The following ATG4B variants were observed in gnomAD, a reference collection of about 807,000 sequenced individuals.
ATG4B encodes the protein autophagy related 4B cysteine peptidase.
ATG4B carries 29 observed loss-of-function variants against 56.6 expected under a neutral mutation model. That is an observed-to-expected ratio of 0.51 (90% CI 0.38 to 0.70). The LOEUF (loss-of-function observed/expected upper bound fraction) is 0.70, where lower values mean the gene tolerates loss of function less well. Among genes scored for constraint, ATG4B ranks in the 30% least tolerant of loss-of-function variants. The pLI is 0.00. For synonymous variants in ATG4B, 224 were observed against 206.1 expected (o/e 1.09, Z -0.74); for missense variants, 461 against 515.5 (o/e 0.89, Z 1.02).
At chr2:241,665,178 G>T (rs2068724138) in intron 7 of ATG4B, among the ~76,000 whole-genome samples, 1 of 152,200 alleles carries the variant, frequency 6.6e-6, no homozygotes, top group African/African-American at 2.4e-5. Flanking sequence ...TCTGTTTTGA[G>T]AAATTTGAGT....
intron 4 of ATG4B, among the ~76,000 whole-genome samples, chr2:241,653,990 G>GAAAAA (rs34757883): frequency 1.4e-4 from 10 of 72,900 alleles, no homozygotes; most frequent in Admixed American, 1.6e-4. Flanking sequence ...GACCCTATCT[G>GAAAAA]AAAAAAAAAA....
intron 7 of ATG4B, among the ~76,000 whole-genome samples, chr2:241,661,755 C>T (rs1406448494): frequency 6.6e-6 from 1 of 152,066 alleles, no homozygotes; most frequent in East Asian, 1.9e-4. Flanking sequence ...CAACCCATCC[C>T]CCCCGCAACT....
At chr2:241,656,450 C>A (rs1192671661) in intron 6 of ATG4B, among the ~76,000 whole-genome samples, 1 of 152,218 alleles carries the variant, frequency 6.6e-6, no homozygotes, top group Non-Finnish European at 1.5e-5. Context: ...CCCACCACAC[C>A]CTTCCACTCA....
rs571197051 is a variant in ATG4B, at chr2:241,672,183, C to G, written c.1109-8C>G. On this transcript the variant is annotated splice_polypyrimidine_tract_variant and splice_region_variant and intron_variant, in intron 12 of 12. Transcript: ENST00000404914. ...GATGCCTGATGCGCTATGTCCTGTT[C>G]CTTCTAGATTCTTCTGATGTAGAGC... 6.4e-7 allele frequency: 1 copy of G among 1,572,842 alleles called. No homozygotes were observed. Among genetic ancestry groups the G allele is most frequent in the African/African-American group, 1.3e-5 (1 of 74,134 alleles).
At chr2:241,655,870 G>A (rs959872267) in intron 6 of ATG4B, among the ~76,000 whole-genome samples, 4 of 152,202 alleles carry the variant, frequency 2.6e-5, no homozygotes, top group Non-Finnish European at 5.9e-5. Context: ...ATTCCTCTGA[G>A]ATGACCTTCC....
At chr2:241,658,099 C>T (rs1559261903) in intron 6 of ATG4B, among the ~76,000 whole-genome samples, 1 of 152,264 alleles carries the variant, frequency 6.6e-6, no homozygotes, top group Non-Finnish European at 1.5e-5. Context: ...GTGTTGACCA[C>T]CGGCCCACGT....
At chr2:241,663,705 G>A (rs1178698666) in intron 7 of ATG4B, among the ~76,000 whole-genome samples, 1 of 152,186 alleles carries the variant, frequency 6.6e-6, no homozygotes, top group African/African-American at 2.4e-5. Flanking sequence ...ATTAGGCCAG[G>A]TGTAGTGGCT....
rs1314224336 is a variant in ATG4B at position 241,653,528 on chromosome 2, C to G, written c.201C>G (p.Thr67=). The change falls in exon 4 of 13, where the codon ACC becomes ACG. Residue 67 remains threonine (T), a synonymous_variant. Transcript: ENST00000404914. ...NFPAIGGTGP[T]SDTGWGCMLR... ...CCACGACAGGGGGGACAGGCCCCAC[C>G]TCGGACACAGGCTGGGGCTGCATGC... 2 of 1,581,854 alleles carry G rather than the reference C, an allele frequency of 1.3e-6. No homozygotes were observed. The highest frequency in any genetic ancestry group is 1.3e-5 in the African/African-American group (1 of 74,322).
chr2:241,659,160 GACAAC>G lies in ATG4B; in HGVS notation c.514_518del (p.Asn172CysfsTer38). 6.2e-7 allele frequency: 1 copy of G among 1,613,832 alleles called. No individual in the cohort carries two copies. The highest frequency in any genetic ancestry group is 8.5e-7 in the Non-Finnish European group (1 of 1,179,736). Reference sequence around the variant, plus strand: ...CTCCTTGGCGGTCCACATTGCAATGGACAACACTGTTGTGATGGAGGAAATCAGTA... The same window carrying G: ...CTCCTTGGCGGTCCACATTGCAATGGACTGTTGTGATGGAGGAAATCAGTA... On this transcript the variant is annotated frameshift_variant, in exon 7 of 13. Coordinates refer to ENST00000404914, the MANE Select transcript of ATG4B (RefSeq NM_013325.5). LOFTEE classifies it high-confidence loss of function.
At chr2:241,662,598 A>G (rs1036747176) in intron 7 of ATG4B, among the ~76,000 whole-genome samples, 14 of 152,330 alleles carry the variant, frequency 9.2e-5, no homozygotes, top group Admixed American at 7.8e-4. Flanking sequence ...CGGCCCAGCT[A>G]CGCATCAGCC....
rs915427092 is a variant in ATG4B, at chr2:241,651,821, A to G, written c.184+486A>G. 1 of 1,131,900 alleles carries G rather than the reference A, an allele frequency of 8.8e-7. No individual in the cohort carries two copies. The highest frequency in any genetic ancestry group is 1.2e-6 in the Non-Finnish European group (1 of 833,246). The allele number at this position is 1,131,900 out of a possible 1,614,324, so 70.1% of individuals were successfully genotyped here. On this transcript the variant is annotated intron_variant, in intron 3 of 12. Coordinates refer to ENST00000404914, the MANE Select transcript of ATG4B (RefSeq NM_013325.5). This position sits in a 1 kb window ranked among gnomAD's most constrained non-coding sequence, Gnocchi z 4.1. ...TTTTCCACACTTAACCTGTGGGGAG[A>G]TTTGAAGGGCCAGGTGAATGTGACA...
At chr2:241,671,037 C>T (rs1359880354) in intron 11 of ATG4B, among the ~76,000 whole-genome samples, 2 of 152,220 alleles carry the variant, frequency 1.3e-5, no homozygotes, top group South Asian at 2.1e-4. Context: ...TGTCCTCATC[C>T]GTCTCCTGTT....
chr2:241,668,865 C>T lies in ATG4B; in HGVS notation c.957+180C>T, dbSNP rs934171454. 8.1e-6 allele frequency: 7 copies of T among 859,724 alleles called. No individual in the cohort carries two copies. The highest frequency in any genetic ancestry group is 2.7e-5 in the East Asian group (1 of 36,936). 53.3% of individuals were successfully genotyped at this position (859,724 alleles called of 1,614,324 possible). A position where few individuals can be genotyped will look rare whatever the true frequency, so the allele number is the denominator to read the frequency against. On this transcript the variant is annotated intron_variant, in intron 10 of 12. Coordinates refer to ENST00000404914, the MANE Select transcript of ATG4B (RefSeq NM_013325.5). The surrounding 1 kb of genome is among the most constrained non-coding windows in gnomAD (Gnocchi z 4.2). ...AACTGTGTCCTTGCACCCTCACGTC[C>T]CTCCCCCAGGCACCACCTCCTGTGC...
intron 7 of ATG4B, chr2:241,659,865 G>T: frequency 6.1e-6 from 1 of 163,490 alleles, no homozygotes; most frequent in East Asian, 1.8e-4. Context: ...TCTACATGTA[G>T]GCTATTGCCT....
At chr2:241,663,125 C>T (rs868300618) in intron 7 of ATG4B, among the ~76,000 whole-genome samples, 26 of 152,242 alleles carry the variant, frequency 1.7e-4, no homozygotes, top group Admixed American at 1.2e-3. Flanking sequence ...CCCAGCTGCT[C>T]GGGAAGCTGA....
Position 241,672,441 on chromosome 2 carries a change from T to C in ATG4B, c.*177T>C, listed in dbSNP as rs2069013147. The C allele has an allele frequency of 1.6e-6, 1 of 628,302 alleles. No homozygotes were observed. Among genetic ancestry groups the C allele is most frequent in the Non-Finnish European group, 2.8e-6 (1 of 360,908 alleles). The allele number at this position is 628,302 out of a possible 1,614,324, so 38.9% of individuals were successfully genotyped here. ...CTGCCCGGGAGGCCTTACTGCTTGG[T>C]GTCAGACTGCCCAGCTCAGAGTGCC... On this transcript the variant is annotated 3_prime_UTR_variant, in exon 13 of 13. Coordinates refer to ENST00000404914, the MANE Select transcript of ATG4B (RefSeq NM_013325.5).
chr2:241,667,060 C>T (rs1575088342), intron 8 of ATG4B, among the ~76,000 whole-genome samples: 1 of 152,170 alleles, frequency 6.6e-6, no homozygotes, highest in East Asian at 1.9e-4. Context: ...AGGCGAGTGT[C>T]GAGGATGAAA....
intron 7 of ATG4B, among the ~76,000 whole-genome samples, chr2:241,664,164 T>G (rs148895270): frequency 0.023 from 3,491 of 152,212 alleles, 192 homozygotes; most frequent in East Asian, 0.16. Context: ...ATTAAATTTA[T>G]TAGAACTAAC....
chr2:241,666,801 T>C lies in ATG4B; in HGVS notation c.695T>C (p.Leu232Pro). ...CTTCTCATTCCCCTGCGCCTGGGGC[T>C]CACGGACATCAACGAGGCCTACGTG... ...LVLLIPLRLG[L>P]TDINEAYVET... The change falls in exon 8 of 13, where the codon CTC (leucine) becomes CCC (proline). Residue 232 changes from leucine to proline, a missense_variant. By Grantham distance (98) the Leu-to-Pro change is moderately conservative. Transcript: ENST00000404914. 6.3e-7 allele frequency: 1 copy of C among 1,577,930 alleles called. No homozygotes were observed. Among genetic ancestry groups the C allele is most frequent in the South Asian group, 1.2e-5 (1 of 86,396 alleles).
Sources: allele counts gnomAD v4.1 joint callset (sites outside exome capture counted in the v4.1 genomes callset), GRCh38; gene constraint gnomAD v4.1.1; non-coding constraint Gnocchi (gnomAD v3.1); transcripts MANE v1.5; gene names NCBI Gene and HGNC (gene_info 2026-07-23, HGNC 2026-07-21).